GNA12: variants seen among roughly 807,000 people sequenced by gnomAD.
The protein encoded by GNA12 is guanine nucleotide-binding protein subunit alpha-12.
A neutral mutation model predicts 26.0 loss-of-function variants in GNA12; 9 were observed. That is an observed-to-expected ratio of 0.35 (90% CI 0.21 to 0.60). The LOEUF is 0.60. Among genes scored for constraint, GNA12 ranks in the 20% least tolerant of loss-of-function variants. The probability of loss-of-function intolerance (pLI) is 0.78; values close to 1 mark genes in which losing one functional copy is unlikely to be tolerated. For missense variants in GNA12, 405 were observed against 525.8 expected, an observed-to-expected ratio of 0.77 and a Z score of 2.25; for synonymous variants, 264 against 219.6, an observed-to-expected ratio of 1.20 and a Z score of -1.79.
chr7:2,839,513 A>G (rs1318483330), intron 1 of GNA12, among the ~76,000 whole-genome samples: 3 of 152,190 alleles, frequency 2.0e-5, no homozygotes, highest in African/African-American at 7.2e-5. Context: ...CCTACTGAGT[A>G]GCTGGGATTA....
chr7:2,773,188 G>C (rs1432497166), intron 2 of GNA12, among the ~76,000 whole-genome samples: 1 of 152,262 alleles, frequency 6.6e-6, no homozygotes, highest in Non-Finnish European at 1.5e-5. Context: ...GGCTGTGTGA[G>C]TAGATACATA....
intron 2 of GNA12, among the ~76,000 whole-genome samples, chr7:2,790,592 T>A (rs1792491633): frequency 6.6e-6 from 1 of 152,086 alleles, no homozygotes; most frequent in South Asian, 2.1e-4. Flanking sequence ...CAAATCCAGG[T>A]CACATTCAGG....
intron 1 of GNA12, among the ~76,000 whole-genome samples, chr7:2,827,659 G>C (rs574505047): frequency 6.6e-6 from 1 of 152,170 alleles, no homozygotes; most frequent in African/African-American, 2.4e-5. Context: ...GTGACACCAG[G>C]ACATGACTTA....
chr7:2,798,540 A>G (rs1792733378), intron 1 of GNA12, among the ~76,000 whole-genome samples: 1 of 152,250 alleles, frequency 6.6e-6, no homozygotes, highest in Admixed American at 6.5e-5. Context: ...TCTAATAGAT[A>G]TACCACGGTC....
chr7:2,817,814 T>C (rs1418958298), intron 1 of GNA12, among the ~76,000 whole-genome samples: 1 of 152,210 alleles, frequency 6.6e-6, no homozygotes, highest in Non-Finnish European at 1.5e-5. Context: ...ATGACAAATG[T>C]TGTCATCTAT....
intron 2 of GNA12, chr7:2,763,467 G>A (rs1034872250): frequency 6.6e-6 from 1 of 152,320 alleles, no homozygotes; most frequent in Non-Finnish European, 1.5e-5. Flanking sequence ...AAAGCTCCCC[G>A]AGCTCCCTCA....
chr7:2,757,870 T>C (rs1351153582), intron 2 of GNA12, among the ~76,000 whole-genome samples: 1 of 152,166 alleles, frequency 6.6e-6, no homozygotes, highest in Non-Finnish European at 1.5e-5. Flanking sequence ...AATGGCAGCT[T>C]AAATATTTTT....
intron 1 of GNA12, among the ~76,000 whole-genome samples, chr7:2,827,317 G>A (rs1040670168): frequency 7.9e-5 from 12 of 152,094 alleles, no homozygotes; most frequent in African/African-American, 2.9e-4. Flanking sequence ...AGAGGTGGTG[G>A]GTGAACAACA....
At chr7:2,762,782 C>T in intron 2 of GNA12, 1 of 1,543,470 alleles carries the variant, frequency 6.5e-7, no homozygotes, top group South Asian at 1.2e-5. Flanking sequence ...CCAGGCTGTA[C>T]AAAAGGGAGG....
At chr7:2,810,214 G>T (rs1793047770) in intron 1 of GNA12, among the ~76,000 whole-genome samples, 2 of 152,186 alleles carry the variant, frequency 1.3e-5, no homozygotes, top group African/African-American at 2.4e-5. Context: ...ATGGAGACTG[G>T]TGTCTGGTGA....
intron 1 of GNA12, among the ~76,000 whole-genome samples, chr7:2,843,111 A>G (rs985243821): frequency 1.1e-4 from 16 of 152,148 alleles, no homozygotes; most frequent in African/African-American, 3.9e-4. Flanking sequence ...TTTCTAAAAA[A>G]ACAGAAAAGT....
intron 2 of GNA12, among the ~76,000 whole-genome samples, chr7:2,769,681 C>T (rs543880161): frequency 1.0e-3 from 153 of 152,066 alleles, no homozygotes; most frequent in African/African-American, 3.5e-3. Flanking sequence ...TGCAGTGAGC[C>T]GAGATCGCAC....
chr7:2,827,752 A>C (rs1022411757), intron 1 of GNA12, among the ~76,000 whole-genome samples: 1 of 152,356 alleles, frequency 6.6e-6, no homozygotes, highest in South Asian at 2.1e-4. Flanking sequence ...TAATTATAAA[A>C]ACATACCAAA....
chr7:2,774,449 G>A (rs1201661666), intron 2 of GNA12, among the ~76,000 whole-genome samples: 1 of 152,148 alleles, frequency 6.6e-6, no homozygotes, highest in African/African-American at 2.4e-5. Context: ...TGCATTCCAG[G>A]CAGAAGGAAC....
intron 1 of GNA12, among the ~76,000 whole-genome samples, chr7:2,832,385 AC>A (rs1342084108): frequency 1.3e-5 from 2 of 151,852 alleles, no homozygotes; most frequent in African/African-American, 4.8e-5. Context: ...CCTCCCGTGG[AC>A]CCCGCATCTA....
intron 1 of GNA12, among the ~76,000 whole-genome samples, chr7:2,817,110 A>C: frequency 6.6e-6 from 1 of 151,984 alleles, no homozygotes; most frequent in Non-Finnish European, 1.5e-5. Flanking sequence ...CTTTATTTTT[A>C]TTTATTTATT....
chr7:2,782,519 C>G (rs945459018), intron 2 of GNA12, among the ~76,000 whole-genome samples: 1 of 152,172 alleles, frequency 6.6e-6, no homozygotes, highest in African/African-American at 2.4e-5. Flanking sequence ...CTTTCTGGCG[C>G]CTGCTGTAGC....
intron 1 of GNA12, among the ~76,000 whole-genome samples, chr7:2,831,554 C>T (rs1362928950): frequency 6.6e-6 from 1 of 151,966 alleles, no homozygotes; most frequent in Non-Finnish European, 1.5e-5. Flanking sequence ...CAGGCGCCTG[C>T]CACCACGCCC....
At chr7:2,768,048 T>G (rs1211207095) in intron 2 of GNA12, among the ~76,000 whole-genome samples, 1 of 152,118 alleles carries the variant, frequency 6.6e-6, no homozygotes, top group Non-Finnish European at 1.5e-5. Flanking sequence ...AGAGACAGGG[T>G]TTCACCATAT....
Sources: allele counts gnomAD v4.1 joint callset (sites outside exome capture counted in the v4.1 genomes callset), GRCh38; gene constraint gnomAD v4.1.1; transcripts MANE v1.5; gene names NCBI Gene and HGNC (gene_info 2026-07-23, HGNC 2026-07-21).